Variants in SLC22A2 observed in about 807,000 individuals in gnomAD.
SLC22A2 encodes organic cation transporter 2.
A neutral mutation model predicts 60.5 loss-of-function variants in SLC22A2; 46 were observed. The ratio of observed to expected loss-of-function variants is 0.76; its 90% CI spans 0.60 to 0.97. SLC22A2 has a LOEUF of 0.97. SLC22A2 is among the 50% of genes least tolerant of loss of function. SLC22A2 has a pLI of 0.00. For synonymous variants in SLC22A2, 303 were observed against 267.0 expected, an observed-to-expected ratio of 1.13 and a Z score of -1.31; for missense variants, 701 against 706.6, an observed-to-expected ratio of 0.99 and a Z score of 0.09.
intron 10 of SLC22A2, among the ~76,000 whole-genome samples, chr6:160,219,802 G>T (rs1050767558): frequency 6.6e-6 from 1 of 152,140 alleles, no homozygotes; most frequent in African/African-American, 2.4e-5. Context: ...AAAAGTTACG[G>T]TTACACTATA....
chr6:160,220,449 C>A (rs958391062), intron 10 of SLC22A2, among the ~76,000 whole-genome samples: 9 of 152,192 alleles, frequency 5.9e-5, no homozygotes, highest in African/African-American at 1.9e-4. Flanking sequence ...CTGTAATCAA[C>A]TTCTTCAAAA....
chr6:160,225,444 G>T (rs909568870), intron 9 of SLC22A2, among the ~76,000 whole-genome samples: 36 of 152,060 alleles, frequency 2.4e-4, no homozygotes, highest in Admixed American at 9.8e-4. Context: ...TAGGATGTGG[G>T]TTCTTTACTA....
rs760788572 is a variant in SLC22A2, at chr6:160,258,698, C to G, written c.60G>C (p.Lys20Asn). 6.2e-7 allele frequency: 1 copy of G among 1,602,546 alleles called. No individual in the cohort carries two copies. Among genetic ancestry groups the G allele is most frequent in the Non-Finnish European group, 8.5e-7 (1 of 1,173,924 alleles). The change falls in exon 1 of 11, where the codon AAG becomes AAC. Residue 20 changes from lysine (K) to asparagine (N), a missense_variant. Transcript: ENST00000366953. ...GCAGAGCCAAGAGGAAAAACATTTG[C>G]TTCTGGAAAAAGTGAAACTCCCCTC... ...EHGGEFHFFQ[K>N]QMFFLLALLS...
chr6:160,258,608 G>T lies in SLC22A2; in HGVS notation c.150C>A (p.Arg50=). 2 of 1,614,026 alleles carry T rather than the reference G, an allele frequency of 1.2e-6. No individual in the cohort carries two copies. Among genetic ancestry groups the T allele is most frequent in the Non-Finnish European group, 1.7e-6 (2 of 1,179,958 alleles). ...GCTCGGCCACTCCGGGGCTCCGGCA[G>T]CGGTGGTCAGGGGTGAAGCCCAGGA... ...IVFLGFTPDH[R]CRSPGVAELS... The change falls in exon 1 of 11, where the codon CGC becomes CGA. Residue 50 remains arginine (R), a synonymous_variant. Coordinates refer to ENST00000366953, the MANE Select transcript of SLC22A2 (RefSeq NM_003058.4).
At position 160,249,371 on chromosome 6, in the gene SLC22A2, A is replaced by G. The variant is rs141364224; in HGVS notation, c.687T>C (p.Val229=). 3.1e-6 allele frequency: 5 copies of G among 1,613,402 alleles called. No individual in the cohort carries two copies. The African/African-American group carries it at 5.3e-5, about 17-fold the overall frequency. The change falls in exon 4 of 11, where the codon GTT becomes GTC. Residue 229 remains valine, a synonymous_variant. Transcript: ENST00000366953. The stretch of plus-strand genomic sequence containing the variant: ...CCACTGTTCTCCGATATCTCCGCCC[A>G]ACAAATTCTGTAACTGCAGAGAGAA... The part of the protein sequence containing the change: ...LIGYILITEF[V]GRRYRRTVGI...
chr6:160,240,825 C>T (rs1484228728), intron 9 of SLC22A2, among the ~76,000 whole-genome samples: 5 of 152,090 alleles, frequency 3.3e-5, no homozygotes, highest in Admixed American at 3.3e-4. Context: ...GAAATGGGTG[C>T]ATTGAGGTGT....
intron 8 of SLC22A2, among the ~76,000 whole-genome samples, 170 bp downstream of exon 8, chr6:160,242,124 C>T (rs902680101): frequency 6.6e-6 from 1 of 152,124 alleles, no homozygotes; most frequent in African/African-American, 2.4e-5. Flanking sequence ...TTTACCCCAG[C>T]CTGTAAGTGT....
At chr6:160,239,671 G>A (rs944432375) in intron 9 of SLC22A2, among the ~76,000 whole-genome samples, 1 of 152,142 alleles carries the variant, frequency 6.6e-6, no homozygotes, top group East Asian at 1.9e-4. Flanking sequence ...ATGATGAAAA[G>A]AGGGTTCTGA....
rs1783001220 is a variant in SLC22A2 at position 160,241,526 on chromosome 6, G to A, written c.1449C>T (p.Phe483=). 1 of 1,613,692 alleles carries A rather than the reference G, an allele frequency of 6.2e-7. No individual in the cohort carries two copies. The highest frequency in any genetic ancestry group is 1.7e-5 in the Admixed American group (1 of 59,982). ...MCDIGGIITP[F]LVYRLTNIWL... is the part of the protein sequence containing the mutation. The stretch of plus-strand genomic sequence containing the variant: ...AGATGTTAGTGAGCCGGTAGACCAG[G>A]AATGGCGTGATGATGCCACCAATGT... The change falls in exon 9 of 11, where the codon TTC becomes TTT. Residue 483 remains phenylalanine (F), a synonymous_variant. Transcript: ENST00000366953.
chr6:160,255,736 G>A (rs567223741), intron 2 of SLC22A2, among the ~76,000 whole-genome samples: 1 of 152,184 alleles, frequency 6.6e-6, no homozygotes, highest in Non-Finnish European at 1.5e-5. Flanking sequence ...CTCAATAAAC[G>A]GTGTTATGAA....
intron 9 of SLC22A2, among the ~76,000 whole-genome samples, chr6:160,235,218 A>C (rs976876003): frequency 1.3e-5 from 2 of 152,030 alleles, no homozygotes; most frequent in Non-Finnish European, 2.9e-5. Flanking sequence ...GATGTTTTTG[A>C]CTTGGAGGGT....
intron 4 of SLC22A2, 61 bp from the exon 5 acceptor site, chr6:160,247,359 T>G (rs1783112955): frequency 1.2e-6 from 1 of 861,156 alleles, no homozygotes; most frequent in South Asian, 1.4e-5. Context: ...CATCCCCCAT[T>G]TTTTTATAAT....
At position 160,245,420 on chromosome 6, in the gene SLC22A2, A is replaced by G. The variant is rs1314268927; in HGVS notation, c.1064+19T>C. On this transcript the variant is annotated intron_variant, in intron 6 of 10. Coordinates refer to ENST00000366953, the MANE Select transcript of SLC22A2 (RefSeq NM_003058.4). ...TTAAAACAATTTGGAGGCATTTCAA[A>G]GTGAAAAATATTCCTTACCAGTTGT... The G allele has an allele frequency of 7.3e-7, 1 of 1,364,400 alleles. No individual in the cohort carries two copies. The highest frequency in any genetic ancestry group is 1.0e-6 in the Non-Finnish European group (1 of 970,402). 84.5% of individuals were successfully genotyped at this position (1,364,400 alleles called of 1,614,324 possible). A position where few individuals can be genotyped will look rare whatever the true frequency, so the allele number is the denominator to read the frequency against.
At chr6:160,258,166 T>TTC (rs894928904) in intron 1 of SLC22A2, among the ~76,000 whole-genome samples, 178 bp downstream of exon 1, 2 of 152,248 alleles carry the variant, frequency 1.3e-5, no homozygotes, top group Non-Finnish European at 2.9e-5. Flanking sequence ...AATCCAGTTA[T>TTC]TCTCCAGACA....
Position 160,252,832 on chromosome 6 carries a change from T to C in SLC22A2, c.519-2130A>G, listed in dbSNP as rs116985788. 3.7e-3 allele frequency among the ~76,000 whole-genome samples: 571 copies of C among 152,362 alleles called. 24 individuals carry two copies. In the East Asian group the frequency reaches 0.092, roughly 25 times the overall value. ...GCTTTAATTTCACAGAGCCTCGGTT[T>C]CTTCATCCATTGTAAATTATGGATA... On this transcript the variant is annotated intron_variant, in intron 2 of 10. Coordinates refer to ENST00000366953, the MANE Select transcript of SLC22A2 (RefSeq NM_003058.4).
chr6:160,220,059 A>G (rs1419637971), intron 10 of SLC22A2, among the ~76,000 whole-genome samples: 4 of 152,350 alleles, frequency 2.6e-5, no homozygotes, highest in African/African-American at 7.2e-5. Context: ...TCTTCTCTTC[A>G]TGAAAGATTT....
chr6:160,249,653 T>C (rs938815484), intron 3 of SLC22A2, among the ~76,000 whole-genome samples: 8 of 152,250 alleles, frequency 5.3e-5, no homozygotes, highest in Non-Finnish European at 7.3e-5. Context: ...ATTTTCATGA[T>C]GCAATTGTAT....
chr6:160,217,178 A>C lies in SLC22A2; in HGVS notation c.*254T>G, dbSNP rs992074551. 2 of 357,276 alleles carry C rather than the reference A, an allele frequency of 5.6e-6. No homozygotes were observed. Among genetic ancestry groups the C allele is most frequent in the African/African-American group, 2.1e-5 (1 of 47,632 alleles). 22.1% of individuals were successfully genotyped at this position (357,276 alleles called of 1,614,324 possible). A position where few individuals can be genotyped will look rare whatever the true frequency, so the allele number is the denominator to read the frequency against. On this transcript the variant is annotated 3_prime_UTR_variant, in exon 11 of 11. Coordinates refer to ENST00000366953, the MANE Select transcript of SLC22A2 (RefSeq NM_003058.4). ...AAAAAAATACAAAGATGGAAAAAAA[A>C]CCCTCCAGAAAACCAATGTCCAATG...
At chr6:160,226,295 CTT>C (rs1404990638) in intron 9 of SLC22A2, among the ~76,000 whole-genome samples, 2 of 152,172 alleles carry the variant, frequency 1.3e-5, no homozygotes, top group East Asian at 3.8e-4. Context: ...TGCTTAAAAA[CTT>C]TGCTCCCCAA....
Sources: allele counts gnomAD v4.1 joint callset (sites outside exome capture counted in the v4.1 genomes callset), GRCh38; gene constraint gnomAD v4.1.1; transcripts MANE v1.5; gene names NCBI Gene and HGNC (gene_info 2026-07-23, HGNC 2026-07-21).